The following PLA2G4F variants were observed in gnomAD, a reference collection of about 807,000 sequenced individuals.
PLA2G4F encodes the protein phospholipase A2 group IVF, also known as cytosolic phospholipase A2 zeta.
In PLA2G4F, 105 loss-of-function variants were observed where a neutral mutation model predicts 103.1. The ratio of observed to expected loss-of-function variants is 1.02; its 90% CI spans 0.87 to 1.20. The LOEUF (loss-of-function observed/expected upper bound fraction) is 1.20, where lower values mean the gene tolerates loss of function less well. Ranked by LOEUF, PLA2G4F falls within the 50% of genes most tolerant of loss-of-function variation. The pLI is 0.00. For missense variants in PLA2G4F, 1,155 were observed against 1,075.9 expected, an observed-to-expected ratio of 1.07 and a Z score of -1.03; for synonymous variants, 468 against 441.1, an observed-to-expected ratio of 1.06 and a Z score of -0.76.
chr15:42,150,785 C>G lies in PLA2G4F; in HGVS notation c.602-8G>C, dbSNP rs1490793156. On this transcript the variant is annotated splice_polypyrimidine_tract_variant and splice_region_variant and intron_variant, in intron 7 of 19. Transcript: ENST00000397272. ...GCTGGAGCTGCCTAGAGCCTGAGAGCAGAGGGCCCAGGTGGGTGCGCAGGT... is the reference window on the plus strand; with the variant it reads ...GCTGGAGCTGCCTAGAGCCTGAGAGGAGAGGGCCCAGGTGGGTGCGCAGGT... 1 of 1,603,764 alleles carries G rather than the reference C, an allele frequency of 6.2e-7. No homozygotes were observed. Among genetic ancestry groups the G allele is most frequent in the East Asian group, 2.2e-5 (1 of 44,672 alleles).
intron 11 of PLA2G4F, chr15:42,148,889 T>C: frequency 1.0e-6 from 1 of 985,344 alleles, no homozygotes; most frequent in Non-Finnish European, 1.2e-6. Context: ...GAGTGCTGGA[T>C]GAGACAGAGC....
intron 13 of PLA2G4F, chr15:42,146,870 A>T (rs2048892031): frequency 2.2e-6 from 1 of 458,272 alleles, no homozygotes. Context: ...TGTGTTTGAA[A>T]AGCTGCGCCG....
Position 42,142,519 on chromosome 15 carries a change from T to G in PLA2G4F, c.2329+9A>C, listed in dbSNP as rs2048835601. 3 of 1,609,328 alleles carry G rather than the reference T, an allele frequency of 1.9e-6. No homozygotes were observed. The highest frequency in any genetic ancestry group is 1.7e-6 in the Non-Finnish European group (2 of 1,177,000). ...TGTGGGTCAGTCCCAGGCCTGGAGCTTCCCTTACCTGGGGCCAGGTGTGTG... is the reference window on the plus strand; with the variant it reads ...TGTGGGTCAGTCCCAGGCCTGGAGCGTCCCTTACCTGGGGCCAGGTGTGTG... On this transcript the variant is annotated intron_variant, in intron 19 of 19. Transcript: ENST00000397272.
rs2140816882 is a variant in PLA2G4F, at chr15:42,154,355, C to T, written c.288G>A (p.Glu96=). The T allele has an allele frequency of 1.2e-6, 2 of 1,611,210 alleles. No homozygotes were observed. Among genetic ancestry groups the T allele is most frequent in the East Asian group, 2.2e-5 (1 of 44,792 alleles). Residue 96 remains glutamate (E), a synonymous_variant, in exon 3 of 20, where the codon GAG becomes GAA. Coordinates refer to ENST00000397272, the MANE Select transcript of PLA2G4F (RefSeq NM_213600.4). ...CACCATGGATCTGGTAGTGGAAGGT[C>T]TCATTCCACTCGGGGTCACTGCAGT... is the stretch of plus-strand genomic sequence containing the variant. ...VANCSDPEWN[E]TFHYQIHGAV...
At chr15:42,144,381 T>C in intron 17 of PLA2G4F, 69 bp downstream of exon 17, 2 of 1,572,274 alleles carry the variant, frequency 1.3e-6, no homozygotes, top group Middle Eastern at 2.3e-4. Context: ...AAGCCAGCAC[T>C]GGCTCCAGTG....
Position 42,150,399 on chromosome 15 carries a change from C to T in PLA2G4F, c.859G>A (p.Glu287Lys), listed in dbSNP as rs770523870. 24 of 1,612,452 alleles carry T rather than the reference C, an allele frequency of 1.5e-5. No homozygotes were observed. In the South Asian group the frequency reaches 2.6e-4, roughly 18 times the overall value. ...LLSSLPLGQE[E>K]QCSVALGEGQ... ...TCCCCCAGGGCCACAGAACACTGTT[C>T]CTCCTGGCCTAGGGGCAGAGAGGAG... Residue 287 changes from glutamate to lysine, a missense_variant, in exon 9 of 20, where the codon GAA (glutamate) becomes AAA (lysine). Transcript: ENST00000397272.
At chr15:42,143,868 A>T in intron 18 of PLA2G4F, 110 bp downstream of exon 18, 1 of 1,381,472 alleles carries the variant, frequency 7.2e-7, no homozygotes. Context: ...GGCAATCCCC[A>T]CACACCCAGC....
At position 42,150,630 on chromosome 15, in the gene PLA2G4F, A is replaced by T. The variant is rs199549431; in HGVS notation, c.749T>A (p.Met250Lys). The change falls in exon 8 of 20, where the codon ATG becomes AAG. Residue 250 changes from methionine (M) to lysine (K), a missense_variant. This residue lies in a region of PLA2G4F where 370 missense variants were observed against 364.9 expected (regional missense o/e 1.01). Transcript: ENST00000397272. ...VLSSRLHVEL[M>K]ELLAAVQSGP... ...CACCTGCACAGCTGCCAGCAGCTCC[A>T]TCAGCTCCACGTGTAGCCTGGAGCT... 3.4e-5 allele frequency: 54 copies of T among 1,611,838 alleles called. No individual in the cohort carries two copies. The Admixed American group carries it at 7.4e-4, about 22-fold the overall frequency.
rs1384826371 is a variant in PLA2G4F, at chr15:42,150,752, C to T, written c.627G>A (p.Val209=). ...EYGSRQLQLA[V]PGAYEKPQLL... is the part of the protein sequence containing the mutation. Reference sequence around the variant, plus strand: ...GCTGTGGCTTCTCGTAGGCTCCAGGCACTGCCAGCTGGAGCTGCCTAGAGC... The same window carrying T: ...GCTGTGGCTTCTCGTAGGCTCCAGGTACTGCCAGCTGGAGCTGCCTAGAGC... Residue 209 remains valine (V), a synonymous_variant, in exon 8 of 20, where the codon GTG becomes GTA. Coordinates refer to ENST00000397272, the MANE Select transcript of PLA2G4F (RefSeq NM_213600.4). 2 of 1,609,394 alleles carry T rather than the reference C, an allele frequency of 1.2e-6. No homozygotes were observed. Among genetic ancestry groups the T allele is most frequent in the African/African-American group, 2.7e-5 (2 of 75,024 alleles).
intron 7 of PLA2G4F, among the ~76,000 whole-genome samples, chr15:42,151,831 G>A (rs116229825): frequency 0.014 from 2,148 of 152,314 alleles, 48 homozygotes; most frequent in African/African-American, 0.049. Context: ...CTGTGTGCCC[G>A]TGAGCAAGTG....
At position 42,140,980 on chromosome 15, in the gene PLA2G4F, G is replaced by A. The variant is rs2048822924; in HGVS notation, c.*1004C>T. On this transcript the variant is annotated 3_prime_UTR_variant, in exon 20 of 20. Transcript: ENST00000397272. ...GGTTCTAGGTATTTGGAGAGTCCCT[G>A]GCGGGTCAGGGGAAATGGAGAAGAG... The A allele has an allele frequency of 2.9e-6, 1 of 340,092 alleles. No individual in the cohort carries two copies. The allele number at this position is 340,092 out of a possible 1,614,324, so 21.1% of individuals were successfully genotyped here. A position where few individuals can be genotyped will look rare whatever the true frequency, so the allele number is the denominator to read the frequency against.
At chr15:42,151,312 G>C in intron 7 of PLA2G4F, 6 of 985,298 alleles carry the variant, frequency 6.1e-6, no homozygotes, top group Non-Finnish European at 7.2e-6. Context: ...AGAGATGCAC[G>C]TCCTGGAGAA....
intron 19 of PLA2G4F, 93 bp from the exon 20 acceptor site, chr15:42,142,297 G>T: frequency 7.6e-7 from 1 of 1,310,316 alleles, no homozygotes; most frequent in Non-Finnish European, 1.0e-6. Context: ...CAGGACACCT[G>T]GCTGGCTCCC....
At chr15:42,150,190 C>G in intron 9 of PLA2G4F, 49 bp from the exon 10 acceptor site, 2 of 1,612,940 alleles carry the variant, frequency 1.2e-6, no homozygotes, top group Non-Finnish European at 1.7e-6. Context: ...CAGGATTCTC[C>G]CAGGGAAATG....
chr15:42,151,556 G>A (rs1223273064), intron 7 of PLA2G4F: 1 of 985,246 alleles, frequency 1.0e-6, no homozygotes, highest in Non-Finnish European at 1.2e-6. Flanking sequence ...CAAAGTATGC[G>A]AGGACAGCAG....
Position 42,149,785 on chromosome 15 carries a change from G to A in PLA2G4F, c.987C>T (p.Asp329=), listed in dbSNP as rs2048934230. ...DLSDGEQEFL[D]RRKQVVSKAL... is the part of the protein sequence containing the mutation. Reference sequence around the variant, plus strand: ...CCTTGGACACGACCTGCTTCCTCCTGTCCAGAAACTCCTGCTCCCCGTCAG... The same window carrying A: ...CCTTGGACACGACCTGCTTCCTCCTATCCAGAAACTCCTGCTCCCCGTCAG... The change falls in exon 11 of 20, where the codon GAC becomes GAT. Residue 329 remains aspartate (D), a synonymous_variant. Transcript: ENST00000397272. 1 of 1,614,204 alleles carries A rather than the reference G, an allele frequency of 6.2e-7. No homozygotes were observed. The highest frequency in any genetic ancestry group is 8.5e-7 in the Non-Finnish European group (1 of 1,180,042).
At chr15:42,153,494 C>T in intron 5 of PLA2G4F, 126 bp downstream of exon 5, 1 of 1,485,200 alleles carries the variant, frequency 6.7e-7, no homozygotes, top group Non-Finnish European at 9.3e-7. Context: ...AGATGGGTGT[C>T]AAGACCAGGC....
chr15:42,144,760 C>T (rs1427148429), intron 16 of PLA2G4F, 116 bp from the exon 17 acceptor site: 20 of 1,059,368 alleles, frequency 1.9e-5, no homozygotes, highest in Non-Finnish European at 2.6e-5. Context: ...CATCCCTCCT[C>T]CTCCCTGACC....
In PLA2G4F at chr15:42,147,127, C is replaced by T; in HGVS notation, c.1416G>A (p.Gln472=). Residue 472 remains glutamine, a synonymous_variant, in exon 13 of 20, where the codon CAG becomes CAA. Transcript: ENST00000397272. ...WGLLVEYLLY[Q]EENPAKLSDQ... ...TTCCTTCTGGCTCTTCTCTCACCTC[C>T]TGGTACAGGAGATACTCAACAAGGA... 2 of 1,612,046 alleles carry T rather than the reference C, an allele frequency of 1.2e-6. No individual in the cohort carries two copies. The highest frequency in any genetic ancestry group is 1.7e-6 in the Non-Finnish European group (2 of 1,179,790).
Sources: allele counts gnomAD v4.1 joint callset (sites outside exome capture counted in the v4.1 genomes callset), GRCh38; gene constraint gnomAD v4.1.1; regional missense constraint gnomAD v4.1.1; transcripts MANE v1.5; gene names NCBI Gene and HGNC (gene_info 2026-07-23, HGNC 2026-07-21).